SLC26A8: variants seen among roughly 807,000 people sequenced by gnomAD.
SLC26A8 encodes testis anion transporter 1.
Under a neutral mutation model 105.0 loss-of-function variants are expected in SLC26A8, and 70 were observed. That is an observed-to-expected ratio of 0.67 (90% CI 0.55 to 0.81). The LOEUF (loss-of-function observed/expected upper bound fraction) is 0.81. Among genes scored for constraint, SLC26A8 ranks in the 40% least tolerant of loss-of-function variants. The pLI is 0.00. For missense variants in SLC26A8, 998 were observed against 1,181.8 expected, an observed-to-expected ratio of 0.84 and a Z score of 2.28; for synonymous variants, 415 against 438.3, an observed-to-expected ratio of 0.95 and a Z score of 0.66.
At chr6:35,986,994 G>C (rs921448501) in intron 7 of SLC26A8, among the ~76,000 whole-genome samples, 7 of 152,148 alleles carry the variant, frequency 4.6e-5, no homozygotes, top group African/African-American at 1.7e-4. Flanking sequence ...CCAATAGTGG[G>C]ATTGCTGGAT....
chr6:35,971,537 GTGA>G (rs1359907471), intron 10 of SLC26A8, among the ~76,000 whole-genome samples: 4 of 152,202 alleles, frequency 2.6e-5, no homozygotes, highest in Non-Finnish European at 5.9e-5. Context: ...TGGGGTAGAA[GTGA>G]TGATTTTTGA....
chr6:35,969,766 T>C (rs1772715704), intron 10 of SLC26A8: 1 of 151,976 alleles, frequency 6.6e-6, no homozygotes. Flanking sequence ...AGATAATCAC[T>C]TCCCATTTTC....
At chr6:35,957,233 G>A (rs1026254135) in intron 16 of SLC26A8, among the ~76,000 whole-genome samples, 1 of 151,734 alleles carries the variant, frequency 6.6e-6, no homozygotes, top group African/African-American at 2.4e-5. Flanking sequence ...AAAATAAAAA[G>A]GATAAGTAAG....
chr6:35,975,997 T>G (rs553024034), intron 9 of SLC26A8, among the ~76,000 whole-genome samples: 3 of 151,898 alleles, frequency 2.0e-5, no homozygotes, highest in East Asian at 3.9e-4. Context: ...TTTTAGCTAG[T>G]CATCACAAGG....
chr6:36,010,844 G>A (rs927143319), intron 3 of SLC26A8, among the ~76,000 whole-genome samples: 1 of 151,690 alleles, frequency 6.6e-6, no homozygotes, highest in Non-Finnish European at 1.5e-5. Flanking sequence ...CAGCCAAGTG[G>A]GTTAAAATCA....
chr6:35,989,625 AG>A, intron 7 of SLC26A8: 1 of 152,328 alleles, frequency 6.6e-6, no homozygotes, highest in South Asian at 2.1e-4. Context: ...AGTATGTTCT[AG>A]GATCTTGGCA....
intron 1 of SLC26A8, among the ~76,000 whole-genome samples, chr6:36,022,794 A>C (rs1043428140): frequency 1.3e-5 from 2 of 151,644 alleles, no homozygotes; most frequent in African/African-American, 4.8e-5. Context: ...TCTTGATTTC[A>C]TAGAAATCCT....
In SLC26A8 at chr6:36,020,669, A is replaced by T. The variant is rs1762107300; in HGVS notation, c.-2-960T>A. Among the ~76,000 whole-genome samples the T allele has an allele frequency of 2.0e-5, 3 of 152,198 alleles. No individual in the cohort carries two copies. The East Asian group carries it at 5.8e-4, about 29-fold the overall frequency. On this transcript the variant is annotated intron_variant, in intron 1 of 19. Transcript: ENST00000490799. Reference sequence around the variant, plus strand: ...CCTGCTTTTTTAAAAGATTGAAAAGATAGAGTAAATGAGGATGGATAGGGA... The same window carrying T: ...CCTGCTTTTTTAAAAGATTGAAAAGTTAGAGTAAATGAGGATGGATAGGGA...
chr6:36,012,335 T>C lies in SLC26A8; in HGVS notation c.226A>G (p.Ile76Val), dbSNP rs747470157. The C allele has an allele frequency of 1.9e-6, 3 of 1,605,818 alleles. No homozygotes were observed. Among genetic ancestry groups the C allele is most frequent in the East Asian group, 4.5e-5 (2 of 44,468 alleles). ...CACATCCATTCTAGGAAGGGAAAGA[T>C]TGTAAGCACGCATCGTAGGAACCTG... is the stretch of plus-strand genomic sequence containing the variant. Reference protein sequence around the residue: ...WHRFLRCVLTIFPFLEWMCMY... With the variant: ...WHRFLRCVLTVFPFLEWMCMY... The change falls in exon 3 of 20, where the codon ATC becomes GTC. Residue 76 changes from isoleucine (I) to valine (V), a missense_variant. By Grantham distance (29) the Ile-to-Val change is conservative (BLOSUM62 3). Transcript: ENST00000490799.
At chr6:35,983,232 A>G (rs552151890) in intron 7 of SLC26A8, among the ~76,000 whole-genome samples, 4 of 152,320 alleles carry the variant, frequency 2.6e-5, no homozygotes, top group Non-Finnish European at 4.4e-5. Context: ...AGCTTGGATC[A>G]GAGAAGAAGA....
At position 35,991,799 on chromosome 6, in the gene SLC26A8, T is replaced by G; in HGVS notation, c.802A>C (p.Asn268His). 1 of 1,590,242 alleles carries G rather than the reference T, an allele frequency of 6.3e-7. No homozygotes were observed. Among genetic ancestry groups the G allele is most frequent in the Non-Finnish European group, 8.5e-7 (1 of 1,172,078 alleles). Residue 268 changes from asparagine to histidine, a missense_variant, in exon 7 of 20, where the codon AAT becomes CAT. Physicochemically the swap from Asn to His is moderately conservative, Grantham distance 68. Coordinates refer to ENST00000490799, the MANE Select transcript of SLC26A8 (RefSeq NM_052961.4). Reference sequence around the variant, plus strand: ...GCTTTTGGGAGAGCTACACAGTAATTAATTATGTCCTGAAAGAAAATAAAA... The same window carrying G: ...GCTTTTGGGAGAGCTACACAGTAATGAATTATGTCCTGAAAGAAAATAAAA... Reference protein sequence around the residue: ...GPISFFYDIINYCVALPKANS... With the variant: ...GPISFFYDIIHYCVALPKANS...
rs188906256 is a variant in SLC26A8, at chr6:35,953,721, C to A, written c.2232+1431G>T. ...GGGAAAGCTCTTAATCTCTTCCAAA[C>A]CTCTCATTTTGTAGATTAGGAAACG... On this transcript the variant is annotated intron_variant, in intron 17 of 19. Transcript: ENST00000490799. Among the ~76,000 whole-genome samples the A allele has an allele frequency of 7.3e-4, 111 of 152,260 alleles. 2 individuals carry two copies. The highest frequency in any genetic ancestry group is 2.5e-3 in the African/African-American group (105 of 41,558).
At chr6:35,952,348 C>G (rs944542367) in intron 17 of SLC26A8, among the ~76,000 whole-genome samples, 2 of 152,112 alleles carry the variant, frequency 1.3e-5, no homozygotes, top group Non-Finnish European at 2.9e-5. Context: ...TGCAAAGTTG[C>G]ATTTGATTTT....
Position 35,947,482 on chromosome 6 carries a change from T to C in SLC26A8, c.2473-3142A>G, listed in dbSNP as rs578218319. ...TTCTAACAATTGGAACATAAGAGAT[T>C]AGTATTATTTTTAGAAAATATTTTC... On this transcript the variant is annotated intron_variant, in intron 19 of 19. Transcript: ENST00000490799. Among the ~76,000 whole-genome samples, 7 of 152,318 alleles carry C rather than the reference T, an allele frequency of 4.6e-5. No individual in the cohort carries two copies. The South Asian group carries it at 8.3e-4, about 18-fold the overall frequency.
chr6:35,951,820 C>T (rs1447664956), intron 17 of SLC26A8, among the ~76,000 whole-genome samples: 1 of 152,210 alleles, frequency 6.6e-6, no homozygotes, highest in African/African-American at 2.4e-5. Context: ...TCGTGATCTG[C>T]CTGCCTCGAC....
At chr6:35,979,137 C>G (rs544543894) in intron 8 of SLC26A8, among the ~76,000 whole-genome samples, 1 of 151,066 alleles carries the variant, frequency 6.6e-6, no homozygotes, top group East Asian at 2.0e-4. Flanking sequence ...CAGGCATGAG[C>G]CACTGTGTCT....
At chr6:35,982,448 G>C (rs1045411373) in intron 7 of SLC26A8, among the ~76,000 whole-genome samples, 1 of 152,194 alleles carries the variant, frequency 6.6e-6, no homozygotes, top group Admixed American at 6.5e-5. Context: ...CTGTGAACAT[G>C]ATGGGAACAA....
chr6:35,948,456 G>A (rs1216873117), intron 19 of SLC26A8, among the ~76,000 whole-genome samples: 1 of 152,120 alleles, frequency 6.6e-6, no homozygotes, highest in African/African-American at 2.4e-5. Flanking sequence ...AGGTGTGGTG[G>A]CGCATGCCTG....
chr6:36,002,000 C>T (rs1351952804), intron 3 of SLC26A8, among the ~76,000 whole-genome samples: 4 of 152,202 alleles, frequency 2.6e-5, no homozygotes, highest in African/African-American at 7.2e-5. Flanking sequence ...GCTTCACAAT[C>T]TGTGTGTCTA....
Sources: allele counts gnomAD v4.1 joint callset (sites outside exome capture counted in the v4.1 genomes callset), GRCh38; gene constraint gnomAD v4.1.1; transcripts MANE v1.5; gene names NCBI Gene and HGNC (gene_info 2026-07-23, HGNC 2026-07-21).